GNAZ: variants seen among roughly 807,000 people sequenced by gnomAD.
The protein encoded by GNAZ is guanine nucleotide-binding protein G(z) subunit alpha.
Under a neutral mutation model 25.4 loss-of-function variants are expected in GNAZ, and 3 were observed. The ratio of observed to expected loss-of-function variants is 0.12; its 90% CI spans 0.05 to 0.30. The LOEUF (loss-of-function observed/expected upper bound fraction) is 0.30. Ranked by LOEUF, GNAZ falls within the 10% of genes least tolerant of loss-of-function variation. GNAZ has a pLI of 1.00. For missense variants in GNAZ, 241 were observed against 501.8 expected, an observed-to-expected ratio of 0.48 and a Z score of 4.97; for synonymous variants, 211 against 205.7, an observed-to-expected ratio of 1.03 and a Z score of -0.22.
In GNAZ at chr22:23,098,068, C is replaced by G. The variant is rs183029759; in HGVS notation, c.723+1650C>G. Among the ~76,000 whole-genome samples the G allele has an allele frequency of 4.9e-3, 752 of 152,324 alleles. 6 individuals carry two copies. The highest frequency in any genetic ancestry group is 0.02 in the Middle Eastern group (6 of 294). Reference sequence around the variant, plus strand: ...CTGAACTTGTCAGTGAGGAGATGACCCAGGTGTCTTCACAGATGGGCCCAA... The same window carrying G: ...CTGAACTTGTCAGTGAGGAGATGACGCAGGTGTCTTCACAGATGGGCCCAA... On this transcript the variant is annotated intron_variant, in intron 2 of 2. Transcript: ENST00000615612.
At chr22:23,075,339 G>T (rs2068482785) in intron 1 of GNAZ, among the ~76,000 whole-genome samples, 1 of 152,182 alleles carries the variant, frequency 6.6e-6, no homozygotes, top group Non-Finnish European at 1.5e-5. Context: ...GCAGGCAATT[G>T]CCTGCTGCAA....
At chr22:23,088,258 A>G (rs1250640745) in intron 1 of GNAZ, among the ~76,000 whole-genome samples, 1 of 152,226 alleles carries the variant, frequency 6.6e-6, no homozygotes, top group African/African-American at 2.4e-5. Context: ...AGGGTACCCC[A>G]GTGCGTTTCC....
chr22:23,088,540 C>T (rs532098871), intron 1 of GNAZ, among the ~76,000 whole-genome samples: 64 of 152,340 alleles, frequency 4.2e-4, no homozygotes, highest in African/African-American at 1.4e-3. Context: ...GTCATAGCCC[C>T]GCTTGGGGCA....
At chr22:23,113,731 C>T (rs1403368222) in intron 2 of GNAZ, among the ~76,000 whole-genome samples, 1 of 152,238 alleles carries the variant, frequency 6.6e-6, no homozygotes, top group Non-Finnish European at 1.5e-5. Context: ...TCGCCCTCTC[C>T]CCACTAGAGA....
intron 2 of GNAZ, among the ~76,000 whole-genome samples, chr22:23,108,218 G>C (rs758118913): frequency 3.9e-5 from 6 of 152,258 alleles, no homozygotes; most frequent in African/African-American, 1.4e-4. Context: ...ATCTGGCCTT[G>C]CCTGCCATCC....
rs2068356799 is a variant in GNAZ at position 23,071,030 on chromosome 22, GAGAGGGCCCC to G, written c.-450+466_-450+475del. Among the ~76,000 whole-genome samples, 1 of 152,210 alleles carries G rather than the reference GAGAGGGCCCC, an allele frequency of 6.6e-6. No individual in the cohort carries two copies. The highest frequency in any genetic ancestry group is 1.5e-5 in the Non-Finnish European group (1 of 68,018). On this transcript the variant is annotated intron_variant, in intron 1 of 2. Transcript: ENST00000615612. The surrounding 1 kb of genome is among the most constrained non-coding windows in gnomAD (Gnocchi z 4.1). The stretch of plus-strand genomic sequence containing the variant: ...ATGCAGGGCCTTGCCTGAAACCGAG[GAGAGGGCCCC>G]AGAGGCCTGGGCCCGAGGACCTGGG...
In GNAZ at chr22:23,095,818, C is replaced by G. The variant is rs769261083; in HGVS notation, c.123C>G (p.Thr41=). 3 of 1,613,498 alleles carry G rather than the reference C, an allele frequency of 1.9e-6. No homozygotes were observed. The highest frequency in any genetic ancestry group is 2.7e-5 in the African/African-American group (2 of 74,952). The change falls in exon 2 of 3, where the codon ACC becomes ACG. Residue 41 remains threonine (T), a synonymous_variant. Transcript: ENST00000615612. ...RREIKLLLLG[T]SNSGKSTIVK... ...AAATCAAGCTGCTCCTGCTGGGCACCAGCAACTCAGGCAAGAGCACCATCG... is the reference window on the plus strand; with the variant it reads ...AAATCAAGCTGCTCCTGCTGGGCACGAGCAACTCAGGCAAGAGCACCATCG...
chr22:23,073,130 C>T (rs911203297), intron 1 of GNAZ, among the ~76,000 whole-genome samples: 7 of 152,346 alleles, frequency 4.6e-5, no homozygotes, highest in Non-Finnish European at 5.9e-5. Flanking sequence ...ATACTTAAGA[C>T]GGTGTGTGGT....
chr22:23,079,166 C>G (rs1037349478), intron 1 of GNAZ, among the ~76,000 whole-genome samples: 2 of 152,228 alleles, frequency 1.3e-5, no homozygotes, highest in Non-Finnish European at 2.9e-5. Context: ...GATAAACACT[C>G]TAAGTAAATT....
chr22:23,082,370 C>A (rs538309816), intron 1 of GNAZ, among the ~76,000 whole-genome samples: 63 of 144,394 alleles, frequency 4.4e-4, no homozygotes, highest in Non-Finnish European at 4.7e-4. Flanking sequence ...CACCACCACA[C>A]CTGGCTATTT....
At chr22:23,094,882 A>G (rs1009151186) in intron 1 of GNAZ, among the ~76,000 whole-genome samples, 16 of 152,238 alleles carry the variant, frequency 1.1e-4, no homozygotes, top group Non-Finnish European at 2.2e-4. Flanking sequence ...GCTGAGCTCT[A>G]TCAGTGCTGT....
intron 2 of GNAZ, among the ~76,000 whole-genome samples, chr22:23,104,942 G>A (rs2069418316): frequency 6.6e-6 from 1 of 152,230 alleles, no homozygotes; most frequent in South Asian, 2.1e-4. Flanking sequence ...AGAGTGAAAG[G>A]TGTTTCTTCT....
rs538741332 is a variant in GNAZ, at chr22:23,074,938, T to C, written c.-450+4368T>C. 7.2e-5 allele frequency among the ~76,000 whole-genome samples: 11 copies of C among 152,074 alleles called. No homozygotes were observed. The South Asian group carries it at 1.0e-3, about 14-fold the overall frequency. On this transcript the variant is annotated intron_variant, in intron 1 of 2. Coordinates refer to ENST00000615612, the MANE Select transcript of GNAZ (RefSeq NM_002073.4). Reference sequence around the variant, plus strand: ...AATCCTATACTATGGGAGACTGAGGTAGGAGGATCACTTGAAGTCAGGAGT... The same window carrying C: ...AATCCTATACTATGGGAGACTGAGGCAGGAGGATCACTTGAAGTCAGGAGT...
intron 2 of GNAZ, among the ~76,000 whole-genome samples, chr22:23,119,892 G>A (rs2069962498): frequency 6.6e-6 from 1 of 152,196 alleles, no homozygotes; most frequent in African/African-American, 2.4e-5. Context: ...TCTCCTCGGT[G>A]CCCACTAAAT....
chr22:23,083,588 A>G (rs2068735993), intron 1 of GNAZ, among the ~76,000 whole-genome samples: 1 of 152,090 alleles, frequency 6.6e-6, no homozygotes. Context: ...AGGGTAGAGC[A>G]GGAGCCCAGA....
At chr22:23,089,629 G>A (rs928017660) in intron 1 of GNAZ, among the ~76,000 whole-genome samples, 10 of 152,154 alleles carry the variant, frequency 6.6e-5, no homozygotes, top group Non-Finnish European at 1.2e-4. Context: ...ACAGACTTGA[G>A]AGGGCCACGT....
chr22:23,121,024 G>A (rs2070010551), intron 2 of GNAZ, among the ~76,000 whole-genome samples: 1 of 152,140 alleles, frequency 6.6e-6, no homozygotes, highest in Admixed American at 6.5e-5. Flanking sequence ...ATCCATTAGA[G>A]CTAATTACTC....
chr22:23,110,738 C>T (rs558094515), intron 2 of GNAZ, among the ~76,000 whole-genome samples: 6 of 152,324 alleles, frequency 3.9e-5, no homozygotes, highest in South Asian at 2.1e-4. Context: ...AACAGCAGTG[C>T]GTCTGCAGAG....
intron 2 of GNAZ, among the ~76,000 whole-genome samples, chr22:23,107,601 G>C (rs148846348): frequency 6.2e-4 from 95 of 152,296 alleles, no homozygotes; most frequent in Non-Finnish European, 1.1e-3. Context: ...CTGGGGTGTA[G>C]GGAGCAGAAG....
Sources: allele counts gnomAD v4.1 joint callset (sites outside exome capture counted in the v4.1 genomes callset), GRCh38; gene constraint gnomAD v4.1.1; non-coding constraint Gnocchi (gnomAD v3.1); transcripts MANE v1.5; gene names NCBI Gene and HGNC (gene_info 2026-07-23, HGNC 2026-07-21).